GIGYF2: variants seen among roughly 807,000 people sequenced by gnomAD.
GIGYF2 encodes GRB10 interacting GYF protein 2, also known as GRB10-interacting GYF protein 2.
Under a neutral mutation model 208.1 loss-of-function variants are expected in GIGYF2, and 25 were observed. The ratio of observed to expected loss-of-function variants is 0.12; its 90% CI spans 0.09 to 0.17. GIGYF2 has a LOEUF of 0.17. GIGYF2 is among the 10% of genes least tolerant of loss of function. The probability of loss-of-function intolerance (pLI) is 1.00; values close to 1 mark genes in which losing one functional copy is unlikely to be tolerated. For missense variants in GIGYF2, 1,302 were observed against 1,579.4 expected, an observed-to-expected ratio of 0.82 and a Z score of 2.98; for synonymous variants, 534 against 543.8, an observed-to-expected ratio of 0.98 and a Z score of 0.25.
At chr2:232,776,739 G>C in intron 8 of GIGYF2, 1 of 402,902 alleles carries the variant, frequency 2.5e-6, no homozygotes, top group Non-Finnish European at 4.5e-6. Context: ...AACAACTCTG[G>C]AGAAAGCCTC....
intron 8 of GIGYF2, among the ~76,000 whole-genome samples, chr2:232,769,265 TCA>T (rs987642354): frequency 3.9e-5 from 6 of 152,130 alleles, no homozygotes; most frequent in African/African-American, 1.4e-4. Flanking sequence ...GCATGGTGTC[TCA>T]CGCCTGTAAT....
At chr2:232,750,907 A>G (rs1181795404) in intron 5 of GIGYF2, among the ~76,000 whole-genome samples, 1 of 152,110 alleles carries the variant, frequency 6.6e-6, no homozygotes, top group Non-Finnish European at 1.5e-5. Context: ...ATAGCTCACT[A>G]CAACCTTGAA....
intron 21 of GIGYF2, among the ~76,000 whole-genome samples, chr2:232,826,249 C>T (rs372728661): frequency 1.3e-5 from 2 of 152,188 alleles, no homozygotes; most frequent in East Asian, 3.8e-4. Flanking sequence ...AATAGTATTT[C>T]TAGTTCTAGA....
chr2:232,805,211 C>G (rs1700522867), intron 14 of GIGYF2, among the ~76,000 whole-genome samples: 1 of 152,156 alleles, frequency 6.6e-6, no homozygotes, highest in Non-Finnish European at 1.5e-5. Context: ...TTGGAATGTT[C>G]TGTAAAGTCA....
intron 28 of GIGYF2, among the ~76,000 whole-genome samples, chr2:232,853,401 C>T (rs996011815): frequency 1.3e-5 from 2 of 152,216 alleles, no homozygotes; most frequent in African/African-American, 4.8e-5. Flanking sequence ...CCTCAGCCTC[C>T]CGAGTGCTGG....
chr2:232,739,953 A>AAAAAG, intron 3 of GIGYF2, among the ~76,000 whole-genome samples: 2 of 151,132 alleles, frequency 1.3e-5, no homozygotes, highest in Admixed American at 1.3e-4. Flanking sequence ...AAAAAAAAAA[A>AAAAAG]AAAAAATTAC....
intron 2 of GIGYF2, among the ~76,000 whole-genome samples, chr2:232,706,981 G>A (rs953169129): frequency 2.0e-5 from 3 of 150,210 alleles, no homozygotes; most frequent in African/African-American, 7.3e-5. Context: ...TTTTTTCACA[G>A]GATCTAGGGA....
chr2:232,746,282 G>A (rs541278648), intron 3 of GIGYF2, among the ~76,000 whole-genome samples: 19 of 151,604 alleles, frequency 1.3e-4, no homozygotes, highest in African/African-American at 4.4e-4. Flanking sequence ...CTATGCATAC[G>A]CTATTTTTAA....
chr2:232,812,293 A>G (rs1700755683), intron 17 of GIGYF2, 98 bp from the exon 18 acceptor site: 5 of 680,412 alleles, frequency 7.3e-6, no homozygotes, highest in Non-Finnish European at 1.1e-5. Context: ...CTAGCCAAAT[A>G]ACCTGGAGAA....
At chr2:232,792,270 G>A (rs1700091732) in intron 12 of GIGYF2, among the ~76,000 whole-genome samples, 1 of 152,048 alleles carries the variant, frequency 6.6e-6, no homozygotes. Flanking sequence ...CCCCAAACTA[G>A]GGTAGGTGTC....
At chr2:232,832,412 G>A (rs1701448613) in intron 21 of GIGYF2, among the ~76,000 whole-genome samples, 1 of 152,200 alleles carries the variant, frequency 6.6e-6, no homozygotes, top group South Asian at 2.1e-4. Flanking sequence ...GCAAGAGCCA[G>A]GGATGGAATT....
chr2:232,818,004 AGT>A (rs1366000999), intron 20 of GIGYF2, among the ~76,000 whole-genome samples: 7 of 152,132 alleles, frequency 4.6e-5, no homozygotes, highest in African/African-American at 1.7e-4. Context: ...AGCTGTTCCC[AGT>A]GTCTCCACAT....
At position 232,807,258 on chromosome 2, in the gene GIGYF2, C is replaced by G. The variant is rs1474540956; in HGVS notation, c.1806+601C>G. ...AACCATGGCCGGGCACATTGGCTCA[C>G]TTCTGTAATCCTGGTGTGGGAGGGA... is the stretch of plus-strand genomic sequence containing the variant. On this transcript the variant is annotated intron_variant, in intron 15 of 28. Coordinates refer to ENST00000373563, the MANE Select transcript of GIGYF2 (RefSeq NM_001103146.3). Among the ~76,000 whole-genome samples, 4 of 152,252 alleles carry G rather than the reference C, an allele frequency of 2.6e-5. No homozygotes were observed. The East Asian group carries it at 5.8e-4, about 22-fold the overall frequency.
intron 8 of GIGYF2, among the ~76,000 whole-genome samples, chr2:232,763,069 A>G (rs1321036046): frequency 6.6e-6 from 1 of 152,174 alleles, no homozygotes; most frequent in African/African-American, 2.4e-5. Flanking sequence ...GGAACAGACT[A>G]GGTAGATAGT....
rs761176553 is a variant in GIGYF2, at chr2:232,756,344, C to T, written c.379+10C>T. 1.8e-5 allele frequency: 26 copies of T among 1,415,006 alleles called. No homozygotes were observed. Among genetic ancestry groups the T allele is most frequent in the Admixed American group, 2.2e-5 (1 of 45,170 alleles). The allele number at this position is 1,415,006 out of a possible 1,614,324, so 87.7% of individuals were successfully genotyped here. On this transcript the variant is annotated intron_variant, in intron 6 of 28. Transcript: ENST00000373563. ...TCTTCAAGAGGGCGAGGTGAGCTTTCATATGAAAAAAGTAATAATGGAGGA... is the reference window on the plus strand; with the variant it reads ...TCTTCAAGAGGGCGAGGTGAGCTTTTATATGAAAAAAGTAATAATGGAGGA...
intron 3 of GIGYF2, 78 bp from the exon 4 acceptor site, chr2:232,747,537 A>T: frequency 1.3e-6 from 2 of 1,497,026 alleles, no homozygotes; most frequent in African/African-American, 1.4e-5. Flanking sequence ...ACTAAAATGA[A>T]TTTTTTTTGA....
intron 22 of GIGYF2, among the ~76,000 whole-genome samples, chr2:232,837,864 T>C (rs1379681800): frequency 6.6e-6 from 1 of 152,192 alleles, no homozygotes; most frequent in Non-Finnish European, 1.5e-5. Context: ...CAGTTATTTC[T>C]TAAAGCAAAA....
intron 21 of GIGYF2, among the ~76,000 whole-genome samples, chr2:232,824,383 C>G (rs1701186254): frequency 6.6e-6 from 1 of 152,190 alleles, no homozygotes; most frequent in Admixed American, 6.5e-5. Context: ...AGTGCTACTC[C>G]AGTGAACACA....
intron 14 of GIGYF2, among the ~76,000 whole-genome samples, chr2:232,802,929 T>C (rs533214571): frequency 2.0e-5 from 3 of 151,158 alleles, no homozygotes; most frequent in African/African-American, 7.3e-5. Context: ...AGACAGAGTC[T>C]AGCTCTGTCG....
Sources: gnomAD v4.1 joint callset for allele counts (sites outside exome capture counted in the v4.1 genomes callset) on GRCh38, gnomAD v4.1.1 for gene constraint, MANE v1.5 for transcripts, NCBI Gene and HGNC (gene_info 2026-07-23, HGNC 2026-07-21) for gene names.